Variants in ABTB3 observed in about 807,000 individuals in gnomAD.
ABTB3 encodes the protein ankyrin repeat- and BTB/POZ domain-containing protein 3.
At chr12:107,456,428 T>C in the ABTB3 span, among the ~76,000 whole-genome samples, 2 of 152,214 alleles carry the variant, frequency 1.3e-5, no homozygotes, top group African/African-American at 4.8e-5. Flanking sequence ...CGAACCGTAT[T>C]GTGAACTATG....
the ABTB3 span, among the ~76,000 whole-genome samples, chr12:107,398,054 A>G: frequency 1.3e-5 from 2 of 152,174 alleles, no homozygotes. Flanking sequence ...GGGGATTTAG[A>G]AGGCCCTTCA....
the ABTB3 span, among the ~76,000 whole-genome samples, chr12:107,370,010 C>T: frequency 0.029 from 4,469 of 152,164 alleles, 219 homozygotes; most frequent in African/African-American, 0.1. Flanking sequence ...TATTAAACAG[C>T]GATGATGATA....
the ABTB3 span, chr12:107,610,490 G>A: frequency 2.1e-6 from 2 of 943,736 alleles, no homozygotes. Flanking sequence ...TAGATTGCTT[G>A]CTTGCTTGTG....
chr12:107,560,661 C>A, the ABTB3 span, among the ~76,000 whole-genome samples: 1 of 152,150 alleles, frequency 6.6e-6, no homozygotes, highest in Non-Finnish European at 1.5e-5. Flanking sequence ...CAGTGAGTGG[C>A]CAAACTGAAA....
At chr12:107,618,521 C>A in the ABTB3 span, 5 of 728,862 alleles carry the variant, frequency 6.9e-6, no homozygotes, top group South Asian at 1.0e-4. Context: ...CAAGGGGACC[C>A]AGGGAGCTTC....
chr12:107,456,838 C>A, the ABTB3 span, among the ~76,000 whole-genome samples: 1 of 151,920 alleles, frequency 6.6e-6, no homozygotes, highest in South Asian at 2.1e-4. Flanking sequence ...GTGCATGTGG[C>A]CACTTCAGTA....
chr12:107,469,436 T>A, the ABTB3 span, among the ~76,000 whole-genome samples: 1 of 152,074 alleles, frequency 6.6e-6, no homozygotes, highest in Non-Finnish European at 1.5e-5. Flanking sequence ...TTTCTGAGAG[T>A]TGATTTTCTC....
the ABTB3 span, among the ~76,000 whole-genome samples, chr12:107,387,136 C>T: frequency 6.6e-6 from 1 of 151,974 alleles, no homozygotes; most frequent in East Asian, 1.9e-4. Context: ...TGCCACCACG[C>T]CCAGCTAATT....
At chr12:107,614,986 C>A in the ABTB3 span, 2 of 1,289,234 alleles carry the variant, frequency 1.6e-6, no homozygotes, top group Non-Finnish European at 2.2e-6. Flanking sequence ...ATGTGCCCAG[C>A]CACAGATACG....
At chr12:107,649,451 G>A in the ABTB3 span, 1 of 619,154 alleles carries the variant, frequency 1.6e-6, no homozygotes, top group African/African-American at 1.8e-5. Context: ...CAAACAGGAA[G>A]GGCTTCTCAT....
chr12:107,482,425 C>T, the ABTB3 span, among the ~76,000 whole-genome samples: 2 of 152,054 alleles, frequency 1.3e-5, no homozygotes, highest in Non-Finnish European at 2.9e-5. Context: ...TCTTCATGGC[C>T]GGGATTTGGG....
chr12:107,496,073 A>G, the ABTB3 span, among the ~76,000 whole-genome samples: 1 of 152,156 alleles, frequency 6.6e-6, no homozygotes, highest in African/African-American at 2.4e-5. Context: ...TTTGTGCCGT[A>G]CTAATACCAC....
At chr12:107,328,119 A>G in the ABTB3 span, among the ~76,000 whole-genome samples, 3 of 152,200 alleles carry the variant, frequency 2.0e-5, no homozygotes, top group Non-Finnish European at 2.9e-5. Context: ...ACAAGTCTAC[A>G]CTATCAGAGG....
the ABTB3 span, among the ~76,000 whole-genome samples, chr12:107,612,145 AC>A: frequency 6.6e-6 from 1 of 152,228 alleles, no homozygotes; most frequent in Non-Finnish European, 1.5e-5. Context: ...CGACTTTGTG[AC>A]ACTGGTTATT....
At chr12:107,562,149 A>T in the ABTB3 span, among the ~76,000 whole-genome samples, 3 of 152,200 alleles carry the variant, frequency 2.0e-5, no homozygotes, top group African/African-American at 7.2e-5. Context: ...CATTCAACAT[A>T]TATTTATAGA....
the ABTB3 span, among the ~76,000 whole-genome samples, chr12:107,392,973 G>T: frequency 6.6e-6 from 1 of 152,296 alleles, no homozygotes; most frequent in Admixed American, 6.5e-5. Flanking sequence ...TGGGAAGGAT[G>T]CAGGCTTGCT....
the ABTB3 span, among the ~76,000 whole-genome samples, chr12:107,423,470 A>G: frequency 6.6e-6 from 1 of 152,220 alleles, no homozygotes; most frequent in Non-Finnish European, 1.5e-5. Context: ...AAAGTCGTAC[A>G]GTATTTCTCC....
chr12:107,532,747 A>G, the ABTB3 span, among the ~76,000 whole-genome samples: 1 of 152,224 alleles, frequency 6.6e-6, no homozygotes, highest in African/African-American at 2.4e-5. Context: ...TGTCAAAGAC[A>G]CAGAAAAAAT....
the ABTB3 span, among the ~76,000 whole-genome samples, chr12:107,519,612 C>T: frequency 3.3e-5 from 5 of 152,276 alleles, no homozygotes; most frequent in East Asian, 9.7e-4. Flanking sequence ...GCCACCACAC[C>T]AGGCCTAGGG....
Sources: gnomAD v4.1 joint callset for allele counts (sites outside exome capture counted in the v4.1 genomes callset) on GRCh38, gnomAD v4.1.1 for gene constraint, MANE v1.5 for transcripts, NCBI Gene and HGNC (gene_info 2026-07-23, HGNC 2026-07-21) for gene names.